NLRP3: variants seen among roughly 807,000 people sequenced by gnomAD.
NLRP3 encodes the protein NACHT, LRR and PYD domains-containing protein 3.
NLRP3 carries 48 observed loss-of-function variants against 91.3 expected under a neutral mutation model. That is an observed-to-expected ratio of 0.53 (90% CI 0.42 to 0.67). The LOEUF is 0.67. Ranked by LOEUF, NLRP3 falls within the 30% of genes least tolerant of loss-of-function variation. The probability of loss-of-function intolerance (pLI) is 0.00; values close to 1 mark genes in which losing one functional copy is unlikely to be tolerated. For missense variants in NLRP3, 982 were observed against 1,276.9 expected, an observed-to-expected ratio of 0.77 and a Z score of 3.52; for synonymous variants, 561 against 507.9, an observed-to-expected ratio of 1.10 and a Z score of -1.41.
chr1:247,425,740 A>T lies in NLRP3; in HGVS notation c.2150+141A>T. ...TCATAATGCCACCACTGTCTGTTTG[A>T]GACTCCTTCATGAGCAAAGATTGAT... On this transcript the variant is annotated intron_variant, in intron 4 of 9. Transcript: ENST00000336119. The surrounding 1 kb of genome is among the most constrained non-coding windows in gnomAD (Gnocchi z 4.1). 1 of 768,332 alleles carries T rather than the reference A, an allele frequency of 1.3e-6. No homozygotes were observed. Among genetic ancestry groups the T allele is most frequent in the Non-Finnish European group, 2.2e-6 (1 of 452,480 alleles). 47.6% of individuals were successfully genotyped at this position (768,332 alleles called of 1,614,324 possible).
chr1:247,437,975 T>C (rs1663916413), intron 7 of NLRP3, among the ~76,000 whole-genome samples: 1 of 152,228 alleles, frequency 6.6e-6, no homozygotes, highest in African/African-American at 2.4e-5. Flanking sequence ...AAATTCCACA[T>C]GACAAACAAG....
chr1:247,420,160 T>C (rs772018268), intron 2 of NLRP3, among the ~76,000 whole-genome samples: 11 of 152,226 alleles, frequency 7.2e-5, no homozygotes, highest in Non-Finnish European at 1.6e-4. Flanking sequence ...GTTTCCCTAA[T>C]GATAAGTGAT....
At chr1:247,419,144 TTA>T (rs35723895) in intron 2 of NLRP3, 67 bp downstream of exon 2, 17,373 of 962,972 alleles carry the variant, frequency 0.018, 393 homozygotes, top group African/African-American at 0.1. Flanking sequence ...TTTTCCATCT[TTA>T]TATATATATA....
rs72771997 is a variant in NLRP3 at position 247,434,327 on chromosome 1, C to T, written c.2492+54C>T. The T allele has an allele frequency of 0.12, 195,657 of 1,602,862 alleles. 12,673 individuals are homozygous for T. Among genetic ancestry groups the T allele is most frequent in the Admixed American group, 0.18 (10,937 of 59,558 alleles). On this transcript the variant is annotated intron_variant, in intron 6 of 9. Transcript: ENST00000336119. ...TTCTGCCAGCGAGGCGTGCTGCGCA[C>T]TCTGGCTTCAGTGAGGCCCGGTGGG...
At chr1:247,432,265 C>T (rs140178290) in intron 5 of NLRP3, among the ~76,000 whole-genome samples, 1 of 150,852 alleles carries the variant, frequency 6.6e-6, no homozygotes, top group Non-Finnish European at 1.5e-5. Context: ...CCCTCCCACC[C>T]TTCTGAGGCT....
chr1:247,441,023 C>G (rs1664172980), intron 7 of NLRP3, among the ~76,000 whole-genome samples: 1 of 152,116 alleles, frequency 6.6e-6, no homozygotes, highest in Admixed American at 6.5e-5. Flanking sequence ...TCATCCATGT[C>G]AAGCACACAA....
Position 247,444,031 on chromosome 1 carries a change from C to T in NLRP3, c.2723C>T (p.Thr908Ile). ...TCAGCTTTGTCCTCGGTACTCAGCA[C>T]TAATCAGAATCTCACGCACCTTTAC... ...CCSALSSVLS[T>I]NQNLTHLYLR... The change falls in exon 8 of 10, where the codon ACT becomes ATT. Residue 908 changes from threonine (T) to isoleucine (I), a missense_variant. Physicochemically the swap from Thr to Ile is moderately conservative, Grantham distance 89. Transcript: ENST00000336119. 2 of 1,614,188 alleles carry T rather than the reference C, an allele frequency of 1.2e-6. No homozygotes were observed. The highest frequency in any genetic ancestry group is 1.7e-6 in the Non-Finnish European group (2 of 1,180,038).
intron 1 of NLRP3, among the ~76,000 whole-genome samples, chr1:247,416,700 C>A (rs573773013): frequency 6.6e-6 from 1 of 150,804 alleles, no homozygotes; most frequent in Non-Finnish European, 1.5e-5. Context: ...GGAGGGTATG[C>A]GGAGCTAATA....
Position 247,425,560 on chromosome 1 carries a change from G to C in NLRP3, c.2111G>C (p.Cys704Ser). ...KEGRHLDMVQ[C>S]VLPSSSHAAC... is the part of the protein sequence containing the mutation. ...GGCCGACACCTTGATATGGTGCAGT[G>C]TGTCCTCCCAAGCTCCTCTCATGCT... Residue 704 changes from cysteine to serine, a missense_variant, in exon 4 of 10, where the codon TGT becomes TCT. Cys to Ser is a moderately radical substitution (Grantham distance 112, BLOSUM62 -1). This residue lies in a region of NLRP3 where 373 missense variants were observed against 431.5 expected (regional missense o/e 0.86). Transcript: ENST00000336119. The surrounding 1 kb of genome is among the most constrained non-coding windows in gnomAD (Gnocchi z 4.1). The C allele has an allele frequency of 6.2e-7, 1 of 1,611,002 alleles. No individual in the cohort carries two copies. The highest frequency in any genetic ancestry group is 1.7e-5 in the Admixed American group (1 of 60,022).
At chr1:247,447,188 T>TC in intron 9 of NLRP3, among the ~76,000 whole-genome samples, 1 of 152,292 alleles carries the variant, frequency 6.6e-6, no homozygotes, top group Non-Finnish European at 1.5e-5. Flanking sequence ...AAGTCCAAAA[T>TC]CAAGTCTCTG....
At chr1:247,417,596 C>G (rs1046928146) in intron 1 of NLRP3, among the ~76,000 whole-genome samples, 10 of 152,132 alleles carry the variant, frequency 6.6e-5, no homozygotes, top group African/African-American at 2.4e-4. Flanking sequence ...ATTCTCCTGC[C>G]TCAGCCTCCC....
chr1:247,424,552 TC>T lies in NLRP3; in HGVS notation c.1105del (p.Leu369TrpfsTer28). 1 of 1,614,160 alleles carries T rather than the reference TC, an allele frequency of 6.2e-7. No homozygotes were observed. Among genetic ancestry groups the T allele is most frequent in the South Asian group, 1.1e-5 (1 of 91,084 alleles). ...HLLDHPRHVEILGFSEAKRKE... is the reference protein window; with the variant it reads ...HLLDHPRHVEXLGFSEAKRKE... Reference sequence around the variant, plus strand: ...CTGGACCATCCTCGGCATGTGGAGATCCTGGGTTTCTCCGAGGCCAAAAGGA... The same window carrying T: ...CTGGACCATCCTCGGCATGTGGAGATCTGGGTTTCTCCGAGGCCAAAAGGA... On this transcript the variant is annotated frameshift_variant, in exon 4 of 10. Coordinates refer to ENST00000336119, the MANE Select transcript of NLRP3 (RefSeq NM_001243133.2). LOFTEE classifies it high-confidence loss of function. The surrounding 1 kb of genome is among the most constrained non-coding windows in gnomAD (Gnocchi z 8.1).
rs1664434407 is a variant in NLRP3 at position 247,444,128 on chromosome 1, G to A, written c.2820G>A (p.Lys940=). Residue 940 remains lysine (K), a synonymous_variant, in exon 8 of 10, where the codon AAG becomes AAA. Transcript: ENST00000336119. ...AGGGACTCTTGCACCCCGACTGCAAGCTTCAGGTGTTGGAGTAAGTCCTTT... is the reference window on the plus strand; with the variant it reads ...AGGGACTCTTGCACCCCGACTGCAAACTTCAGGTGTTGGAGTAAGTCCTTT... ...LCEGLLHPDC[K]LQVLELDNCN... 6.2e-7 allele frequency: 1 copy of A among 1,614,206 alleles called. No individual in the cohort carries two copies. The highest frequency in any genetic ancestry group is 8.5e-7 in the Non-Finnish European group (1 of 1,180,042).
chr1:247,421,734 CA>C (rs1366455313), intron 2 of NLRP3, among the ~76,000 whole-genome samples: 1 of 152,214 alleles, frequency 6.6e-6, no homozygotes, highest in African/African-American at 2.4e-5. Context: ...GGCTCTTAAC[CA>C]CTACACCGTC....
At position 247,430,594 on chromosome 1, in the gene NLRP3, G is replaced by C. The variant is rs148844241; in HGVS notation, c.2321+839G>C. 3.4e-4 allele frequency among the ~76,000 whole-genome samples: 51 copies of C among 152,110 alleles called. No individual in the cohort carries two copies. The East Asian group carries it at 9.9e-3, about 30-fold the overall frequency. ...AAGTGAGAAGGTAGAATGGGTTGGA[G>C]GCCAGCTGGGGAAGTTTTGTGTGGG... On this transcript the variant is annotated intron_variant, in intron 5 of 9. Transcript: ENST00000336119.
At chr1:247,432,085 G>A (rs936343962) in intron 5 of NLRP3, among the ~76,000 whole-genome samples, 3 of 152,110 alleles carry the variant, frequency 2.0e-5, no homozygotes, top group East Asian at 3.9e-4. Flanking sequence ...AGGTTTCACC[G>A]TATTGGCTAG....
At chr1:247,435,821 A>G (rs565416523) in intron 6 of NLRP3, 149 bp from the exon 7 acceptor site, 1 of 749,854 alleles carries the variant, frequency 1.3e-6, no homozygotes, top group African/African-American at 1.7e-5. Context: ...ACCAAATGGA[A>G]AAGGAAATCA....
At chr1:247,417,350 G>T (rs1662131422) in intron 1 of NLRP3, among the ~76,000 whole-genome samples, 1 of 152,214 alleles carries the variant, frequency 6.6e-6, no homozygotes, top group Admixed American at 6.5e-5. Flanking sequence ...GCTCTGTGCA[G>T]GTTAGATGGG....
intron 7 of NLRP3, among the ~76,000 whole-genome samples, chr1:247,439,167 T>C (rs1263276670): frequency 6.6e-6 from 1 of 152,214 alleles, no homozygotes; most frequent in Non-Finnish European, 1.5e-5. Context: ...ATATCAGTAA[T>C]GTGAATGAAG....
Sources: gnomAD v4.1 joint callset for allele counts (sites outside exome capture counted in the v4.1 genomes callset) on GRCh38, gnomAD v4.1.1 for gene constraint, gnomAD v4.1.1 regional missense constraint, Gnocchi (gnomAD v3.1) non-coding constraint, MANE v1.5 for transcripts, NCBI Gene and HGNC (gene_info 2026-07-23, HGNC 2026-07-21) for gene names.